Variants in ANKRD24 observed in about 807,000 individuals in gnomAD.
The protein encoded by ANKRD24 is ankyrin repeat domain-containing protein 24.
A neutral mutation model predicts 127.8 loss-of-function variants in ANKRD24; 109 were observed. The ratio of observed to expected loss-of-function variants is 0.85; its 90% confidence interval spans 0.73 to 1.00. The LOEUF is 1.00. Among genes scored for constraint, ANKRD24 ranks in the 50% least tolerant of loss-of-function variants. ANKRD24 has a pLI of 0.00. For missense variants in ANKRD24, 1,648 were observed against 1,570.2 expected, an observed-to-expected ratio of 1.05 and a Z score of -0.84; for synonymous variants, 743 against 671.1, an observed-to-expected ratio of 1.11 and a Z score of -1.66.
chr19:4,211,583 G>A (rs1366288863), intron 13 of ANKRD24, among the ~76,000 whole-genome samples: 1 of 152,052 alleles, frequency 6.6e-6, no homozygotes, highest in Non-Finnish European at 1.5e-5. Context: ...GGCAGAGGTT[G>A]CAGTGAGCCA....
At chr19:4,189,271 A>T (rs1599392498) in intron 2 of ANKRD24, among the ~76,000 whole-genome samples, 3 of 80,670 alleles carry the variant, frequency 3.7e-5, no homozygotes, top group Admixed American at 1.9e-4. Context: ...TTTTTGAAGG[A>T]GTCTCACTCT....
intron 2 of ANKRD24, among the ~76,000 whole-genome samples, chr19:4,197,411 A>C (rs1968809707): frequency 1.3e-5 from 2 of 152,142 alleles, no homozygotes; most frequent in South Asian, 2.1e-4. Flanking sequence ...AAATGAATGA[A>C]TGGGTGGTGA....
chr19:4,208,055 A>C, intron 10 of ANKRD24, 87 bp downstream of exon 10: 3 of 1,324,894 alleles, frequency 2.3e-6, no homozygotes, highest in Non-Finnish European at 3.0e-6. Flanking sequence ...GTTTCAAGGT[A>C]CCCCCGATTG....
intron 19 of ANKRD24, among the ~76,000 whole-genome samples, chr19:4,221,135 G>A (rs1448951672): frequency 1.3e-5 from 2 of 151,666 alleles, no homozygotes; most frequent in Non-Finnish European, 2.9e-5. Context: ...GTGAAGTACA[G>A]TGGCATGATT....
chr19:4,189,363 G>A (rs910080095), intron 2 of ANKRD24, among the ~76,000 whole-genome samples: 15 of 139,236 alleles, frequency 1.1e-4, no homozygotes, highest in African/African-American at 3.5e-4. Flanking sequence ...CTTTTCTTAT[G>A]CCGCAGCCTC....
chr19:4,193,356 C>G (rs1411675558), intron 2 of ANKRD24, among the ~76,000 whole-genome samples: 1 of 149,974 alleles, frequency 6.7e-6, no homozygotes, highest in Admixed American at 6.7e-5. Context: ...AAAGGGCTGT[C>G]AGAGAAGGGC....
rs555279330 is a variant in ANKRD24, at chr19:4,219,454, C to T, written c.3004-137C>T. 51 of 959,102 alleles carry T rather than the reference C, an allele frequency of 5.3e-5. 1 individual carries two copies. Among genetic ancestry groups the T allele is most frequent in the South Asian group, 5.1e-4 (24 of 47,478 alleles). The allele number at this position is 959,102 out of a possible 1,614,324, so 59.4% of individuals were successfully genotyped here. On this transcript the variant is annotated intron_variant, in intron 18 of 21. Transcript: ENST00000318934. ...CGCACTCCAGCCAGGAGTGCAGGTCCGGAGCAACAGAGCAAGACCCTGTCT... is the reference window on the plus strand; with the variant it reads ...CGCACTCCAGCCAGGAGTGCAGGTCTGGAGCAACAGAGCAAGACCCTGTCT...
intron 2 of ANKRD24, 128 bp downstream of exon 2, chr19:4,186,589 T>A: frequency 9.1e-7 from 1 of 1,100,310 alleles, no homozygotes; most frequent in Non-Finnish European, 1.3e-6. Context: ...TGCTGCCCCC[T>A]AGCGTCATGA....
intron 7 of ANKRD24, chr19:4,207,001 G>A (rs1969420476): frequency 1.8e-6 from 1 of 562,620 alleles, no homozygotes; most frequent in Non-Finnish European, 3.2e-6. Context: ...GAACTCCTGA[G>A]CTCAAGCGGT....
chr19:4,212,934 T>C (rs1269289889), intron 15 of ANKRD24, among the ~76,000 whole-genome samples: 3 of 152,258 alleles, frequency 2.0e-5, no homozygotes, highest in East Asian at 1.9e-4. Context: ...AGATCGAGAC[T>C]GTCCTGGCCA....
chr19:4,219,232 G>A (rs1265512857), intron 18 of ANKRD24, among the ~76,000 whole-genome samples: 1 of 152,058 alleles, frequency 6.6e-6, no homozygotes, highest in Admixed American at 6.6e-5. Flanking sequence ...GTTGCAGTGA[G>A]CTGAGATTAC....
chr19:4,184,194 G>A (rs905956908), intron 1 of ANKRD24, among the ~76,000 whole-genome samples: 2 of 152,218 alleles, frequency 1.3e-5, no homozygotes, highest in African/African-American at 2.4e-5. Context: ...GCTCAGAGCC[G>A]ATCAGGTGTC....
intron 17 of ANKRD24, 26 bp downstream of exon 17, chr19:4,216,428 A>T (rs1463036778): frequency 9.0e-6 from 14 of 1,558,414 alleles, no homozygotes; most frequent in Non-Finnish European, 1.2e-5. Flanking sequence ...CTGGGGACAG[A>T]TCTGAGGACC....
chr19:4,200,274 A>G lies in ANKRD24; in HGVS notation c.343+103A>G. The G allele has an allele frequency of 4.8e-6, 6 of 1,247,064 alleles. No individual in the cohort carries two copies. The Admixed American group carries it at 1.3e-4, about 26-fold the overall frequency. 77.2% of individuals were successfully genotyped at this position (1,247,064 alleles called of 1,614,324 possible). On this transcript the variant is annotated intron_variant, in intron 5 of 21. Coordinates refer to ENST00000318934, the MANE Select transcript of ANKRD24 (RefSeq NM_001393985.1). ...TCCCAGGTCTCAATGTTCCCCGCTG[A>G]AAAAAGGGGAGGCTCCCTCTGGTGC...
chr19:4,187,067 G>A (rs1968106307), intron 2 of ANKRD24, among the ~76,000 whole-genome samples: 1 of 152,186 alleles, frequency 6.6e-6, no homozygotes, highest in Non-Finnish European at 1.5e-5. Context: ...TTTTAAAGAG[G>A]GTGGCCAGGG....
At position 4,222,679 on chromosome 19, in the gene ANKRD24, C is replaced by G; in HGVS notation, c.3181C>G (p.Leu1061Val). ...AKEKDKKITE[L>V]SKEVFNLKEA... ...GCACCTGCACCCTCAGATCACAGAA[C>G]TCTCCAAAGAAGTCTTCAATCTTAA... Residue 1061 changes from leucine (L) to valine (V), a missense_variant, in exon 20 of 22, where the codon CTC (leucine) becomes GTC (valine). By Grantham distance (32) the Leu-to-Val change is conservative. Coordinates refer to ENST00000318934, the MANE Select transcript of ANKRD24 (RefSeq NM_001393985.1). 1 of 1,606,686 alleles carries G rather than the reference C, an allele frequency of 6.2e-7. No individual in the cohort carries two copies. Among genetic ancestry groups the G allele is most frequent in the South Asian group, 1.1e-5 (1 of 90,614 alleles).
chr19:4,185,831 T>C (rs1968030499), intron 1 of ANKRD24, among the ~76,000 whole-genome samples: 1 of 152,078 alleles, frequency 6.6e-6, no homozygotes, highest in African/African-American at 2.4e-5. Context: ...TTCCAGCCCA[T>C]GGAGCCAGGG....
Position 4,200,120 on chromosome 19 carries a change from C to G in ANKRD24, c.292C>G (p.Leu98Val). 1 of 1,606,648 alleles carries G rather than the reference C, an allele frequency of 6.2e-7. No individual in the cohort carries two copies. The highest frequency in any genetic ancestry group is 8.5e-7 in the Non-Finnish European group (1 of 1,176,842). Reference sequence around the variant, plus strand: ...GGCCATGCGGGGTGCGGCCAGCTGTCTGGAGGTGATGATAGCTCATGGCAG... The same window carrying G: ...GGCCATGCGGGGTGCGGCCAGCTGTGTGGAGGTGATGATAGCTCATGGCAG... Reference protein sequence around the residue: ...LAAMRGAASCLEVMIAHGSNV... With the variant: ...LAAMRGAASCVEVMIAHGSNV... The change falls in exon 5 of 22, where the codon CTG (leucine) becomes GTG (valine). Residue 98 changes from leucine (L) to valine (V), a missense_variant. Physicochemically the swap from Leu to Val is conservative, Grantham distance 32. Transcript: ENST00000318934.
rs149909426 is a variant in ANKRD24, at chr19:4,204,244, G to A, written c.466+1318G>A. On this transcript the variant is annotated intron_variant, in intron 7 of 21. Coordinates refer to ENST00000318934, the MANE Select transcript of ANKRD24 (RefSeq NM_001393985.1). ...CTCCCAAAGTGCTGGGATTACAGGC[G>A]TGAGCCACCGTGCCGGCCCTTCTCC... 5.2e-3 allele frequency among the ~76,000 whole-genome samples: 785 copies of A among 152,198 alleles called. 7 individuals are homozygous for A. The highest frequency in any genetic ancestry group is 0.018 in the African/African-American group (749 of 41,530).
Sources: allele counts gnomAD v4.1 joint callset (sites outside exome capture counted in the v4.1 genomes callset), GRCh38; gene constraint gnomAD v4.1.1; transcripts MANE v1.5; gene names NCBI Gene and HGNC (gene_info 2026-07-23, HGNC 2026-07-21).